PCSK2: variants seen among roughly 807,000 people sequenced by gnomAD.
The protein encoded by PCSK2 is neuroendocrine convertase 2.
In PCSK2, 14 loss-of-function variants were observed where a neutral mutation model predicts 69.7. That is an observed-to-expected ratio of 0.20 (90% confidence interval 0.13 to 0.31). The LOEUF (loss-of-function observed/expected upper bound fraction) is 0.31, where lower values mean the gene tolerates loss of function less well. PCSK2 is among the 10% of genes least tolerant of loss of function. PCSK2 has a pLI of 1.00. For missense variants in PCSK2, 544 were observed against 842.5 expected, an observed-to-expected ratio of 0.65 and a Z score of 4.39; for synonymous variants, 307 against 320.7, an observed-to-expected ratio of 0.96 and a Z score of 0.46.
intron 2 of PCSK2, among the ~76,000 whole-genome samples, chr20:17,277,949 G>T (rs1201504762): frequency 1.1e-4 from 17 of 151,968 alleles, no homozygotes; most frequent in Admixed American, 1.1e-3. Context: ...CATTTATGCA[G>T]CCAAAAAACA....
intron 5 of PCSK2, among the ~76,000 whole-genome samples, chr20:17,382,358 A>C (rs1283110099): frequency 6.6e-6 from 1 of 152,182 alleles, no homozygotes; most frequent in Non-Finnish European, 1.5e-5. Context: ...CATAGACGGG[A>C]AACTGAAGAT....
chr20:17,396,274 C>A (rs2031509482), intron 5 of PCSK2, among the ~76,000 whole-genome samples: 1 of 152,180 alleles, frequency 6.6e-6, no homozygotes, highest in African/African-American at 2.4e-5. Context: ...AAGAATCAGG[C>A]TTCAATTGTA....
At chr20:17,321,385 A>G (rs1348956842) in intron 2 of PCSK2, among the ~76,000 whole-genome samples, 2 of 151,942 alleles carry the variant, frequency 1.3e-5, no homozygotes, top group Non-Finnish European at 2.9e-5. Context: ...ACTCTCCAAT[A>G]CTCTCCTCAC....
intron 5 of PCSK2, among the ~76,000 whole-genome samples, chr20:17,373,303 A>G (rs2030828567): frequency 6.6e-6 from 1 of 152,224 alleles, no homozygotes; most frequent in African/African-American, 2.4e-5. Flanking sequence ...GAGACAGCAT[A>G]GAATATGTGA....
intron 2 of PCSK2, among the ~76,000 whole-genome samples, chr20:17,356,403 G>C (rs1158109999): frequency 2.6e-5 from 4 of 152,110 alleles, no homozygotes; most frequent in African/African-American, 9.7e-5. Flanking sequence ...ATTTTCTGGT[G>C]TGGCTTCAAT....
chr20:17,254,466 T>C (rs888312514), intron 1 of PCSK2, among the ~76,000 whole-genome samples: 3 of 152,214 alleles, frequency 2.0e-5, no homozygotes, highest in Non-Finnish European at 4.4e-5. Context: ...TTCATTCTCA[T>C]TGAATTGTTC....
intron 8 of PCSK2, among the ~76,000 whole-genome samples, chr20:17,449,397 T>G (rs1260506135): frequency 6.6e-6 from 1 of 152,112 alleles, no homozygotes; most frequent in Admixed American, 6.5e-5. Flanking sequence ...ACCTATTCCC[T>G]GGATAAAATT....
At chr20:17,459,982 A>G (rs1410987689) in intron 10 of PCSK2, among the ~76,000 whole-genome samples, 1 of 152,218 alleles carries the variant, frequency 6.6e-6, no homozygotes, top group Non-Finnish European at 1.5e-5. Context: ...AATCCAAATA[A>G]TAACAGAGAC....
chr20:17,435,684 C>A (rs980161613), intron 7 of PCSK2, among the ~76,000 whole-genome samples: 4 of 152,192 alleles, frequency 2.6e-5, no homozygotes, highest in Non-Finnish European at 5.9e-5. Flanking sequence ...TCCATAATCG[C>A]AGTGGGTGGA....
chr20:17,447,365 A>G (rs540980111), intron 8 of PCSK2, among the ~76,000 whole-genome samples: 2 of 152,318 alleles, frequency 1.3e-5, no homozygotes, highest in Admixed American at 6.5e-5. Context: ...GCAAGAATAC[A>G]AATGAGCAGG....
rs556701460 is a variant in PCSK2, at chr20:17,481,689, G to T, written c.1536G>T (p.Thr512=). The T allele has an allele frequency of 1.6e-5, 26 of 1,614,106 alleles. No individual in the cohort carries two copies. The African/African-American group carries it at 3.3e-4, about 21-fold the overall frequency. ...RYLEHVQAVI[T]VNATRRGDLN... is the part of the protein sequence containing the mutation. The stretch of plus-strand genomic sequence containing the variant: ...TGGAGCATGTCCAGGCTGTCATCAC[G>T]GTCAACGCAACCAGAAGAGGAGACC... The change falls in exon 12 of 12, where the codon ACG becomes ACT. Residue 512 remains threonine, a synonymous_variant. Transcript: ENST00000262545.
At chr20:17,358,514 A>G (rs1477679579) in intron 3 of PCSK2, 74 bp downstream of exon 3, 3 of 829,272 alleles carry the variant, frequency 3.6e-6, no homozygotes, top group Non-Finnish European at 4.1e-6. Flanking sequence ...CTGTATCCTC[A>G]TTATTCACTA....
chr20:17,368,223 A>G (rs945807485), intron 4 of PCSK2, among the ~76,000 whole-genome samples: 1 of 152,178 alleles, frequency 6.6e-6, no homozygotes, highest in African/African-American at 2.4e-5. Flanking sequence ...GCTTTTAGAT[A>G]TTGCATCCCC....
At chr20:17,323,833 C>T (rs533566648) in intron 2 of PCSK2, among the ~76,000 whole-genome samples, 1 of 152,304 alleles carries the variant, frequency 6.6e-6, no homozygotes, top group South Asian at 2.1e-4. Flanking sequence ...TGTGTCCCAC[C>T]CACTGTCCTC....
intron 2 of PCSK2, among the ~76,000 whole-genome samples, chr20:17,329,336 A>G (rs1272152599): frequency 6.6e-6 from 1 of 152,198 alleles, no homozygotes; most frequent in Admixed American, 6.5e-5. Flanking sequence ...TATCATAAAT[A>G]TTATTAGTTA....
Position 17,297,727 on chromosome 20 carries a change from G to C in PCSK2, c.282+37383G>C, listed in dbSNP as rs117950698. Among the ~76,000 whole-genome samples, 669 of 152,282 alleles carry C rather than the reference G, an allele frequency of 4.4e-3. 1 individual carries two copies. The highest frequency in any genetic ancestry group is 7.8e-3 in the Non-Finnish European group (531 of 68,022). On this transcript the variant is annotated intron_variant, in intron 2 of 11. Coordinates refer to ENST00000262545, the MANE Select transcript of PCSK2 (RefSeq NM_002594.5). ...CAATATAAAATCATATCATGTAATG[G>C]TTTTTGCCTTTGAGTCTACTTCTTC...
intron 8 of PCSK2, among the ~76,000 whole-genome samples, chr20:17,451,254 G>T (rs926735493): frequency 1.3e-5 from 2 of 152,196 alleles, no homozygotes; most frequent in African/African-American, 4.8e-5. Flanking sequence ...GTGTAACAGT[G>T]AGCTGGCTGC....
chr20:17,411,154 T>C (rs1600558079), intron 6 of PCSK2, among the ~76,000 whole-genome samples: 2 of 152,280 alleles, frequency 1.3e-5, no homozygotes, highest in East Asian at 3.9e-4. Flanking sequence ...GGTCTGCAGC[T>C]CCCAGCATGA....
At chr20:17,244,495 C>G (rs773448641) in intron 1 of PCSK2, among the ~76,000 whole-genome samples, 1 of 152,160 alleles carries the variant, frequency 6.6e-6, no homozygotes, top group African/African-American at 2.4e-5. Flanking sequence ...TACCTGGACC[C>G]TTGAGATGTA....
Sources: gnomAD v4.1 joint callset for allele counts (sites outside exome capture counted in the v4.1 genomes callset) on GRCh38, gnomAD v4.1.1 for gene constraint, MANE v1.5 for transcripts, NCBI Gene and HGNC (gene_info 2026-07-23, HGNC 2026-07-21) for gene names.